The following PTPRN2 variants were observed in gnomAD, a reference collection of about 807,000 sequenced individuals.
The protein encoded by PTPRN2 is receptor-type tyrosine-protein phosphatase N2.
PTPRN2 carries 74 observed loss-of-function variants against 118.8 expected under a neutral mutation model. The observed-to-expected ratio is 0.62, with a 90% CI of 0.52 to 0.76. The LOEUF (loss-of-function observed/expected upper bound fraction) is 0.76. Among genes scored for constraint, PTPRN2 ranks in the 30% least tolerant of loss-of-function variants. PTPRN2 has a pLI of 0.00. For missense variants in PTPRN2, 1,481 were observed against 1,394.4 expected, an observed-to-expected ratio of 1.06 and a Z score of -0.99; for synonymous variants, 641 against 608.0, an observed-to-expected ratio of 1.05 and a Z score of -0.80.
rs1287814339 is a variant in PTPRN2 at position 157,606,047 on chromosome 7, C to T, written c.2345-1972G>A. Among the ~76,000 whole-genome samples the T allele has an allele frequency of 2.0e-5, 3 of 152,280 alleles. No individual in the cohort carries two copies. The East Asian group carries it at 5.8e-4, about 29-fold the overall frequency. On this transcript the variant is annotated intron_variant, in intron 15 of 22. Transcript: ENST00000389418. ...CTGCAGGCCAGAGCTGAGCTGCCCTCAGCCCTCCTTCGGCTTCCCTCCCAT... is the reference window on the plus strand; with the variant it reads ...CTGCAGGCCAGAGCTGAGCTGCCCTTAGCCCTCCTTCGGCTTCCCTCCCAT...
chr7:158,316,837 G>T lies in PTPRN2; in HGVS notation c.259C>A (p.Gln87Lys). 6.2e-7 allele frequency: 1 copy of T among 1,605,820 alleles called. No homozygotes were observed. Residue 87 changes from glutamine to lysine, a missense_variant, in exon 3 of 23, where the codon CAG (glutamine) becomes AAG (lysine). By Grantham distance (53) the Gln-to-Lys change is moderately conservative. Around this residue, in one of 3 missense-constraint regions of PTPRN2, gnomAD observed 1,115 missense variants for 994.2 expected, o/e 1.12. Transcript: ENST00000389418. ...GCCCTACCTGTGCCGGAAAGCTTCT[G>T]CAACGCCACGCGCAGGCGCTGCAGG... ...VALQRLRVAL[Q>K]KLSGTGFTWQ...
intron 2 of PTPRN2, among the ~76,000 whole-genome samples, chr7:158,443,486 G>A (rs982513854): frequency 1.3e-5 from 2 of 152,226 alleles, no homozygotes; most frequent in Non-Finnish European, 2.9e-5. Context: ...GGTCAGTCAC[G>A]CTATGCAGCT....
chr7:158,018,919 G>A lies in PTPRN2; in HGVS notation c.1723+62379C>T, dbSNP rs370950199. On this transcript the variant is annotated intron_variant, in intron 11 of 22. Coordinates refer to ENST00000389418, the MANE Select transcript of PTPRN2 (RefSeq NM_002847.5). ...AGGTTGCAGTGAGCCGAGATCATGC[G>A]ACTGCACTCCAGCCTGGCAGACAAG... Among the ~76,000 whole-genome samples the A allele has an allele frequency of 9.8e-5, 13 of 133,284 alleles. No homozygotes were observed. In the East Asian group the frequency reaches 2.7e-3, roughly 27 times the overall value. 87.4% of individuals were successfully genotyped at this position (133,284 alleles called of 152,430 possible). A position where few individuals can be genotyped will look rare whatever the true frequency, so the allele number is the denominator to read the frequency against.
rs1563394825 is a variant in PTPRN2 at position 158,524,413 on chromosome 7, C to CGGAGTCTGCCCTGGAGT, written c.113-34645_113-34629dup. Among the ~76,000 whole-genome samples, 43 of 89,440 alleles carry CGGAGTCTGCCCTGGAGT rather than the reference C, an allele frequency of 4.8e-4. 1 individual carries two copies. The highest frequency in any genetic ancestry group is 2.7e-4 in the Non-Finnish European group (12 of 44,964). 58.7% of individuals were successfully genotyped at this position (89,440 alleles called of 152,430 possible). ...TGGAGTGGAGTCGTCTGCCCTGGAG[C>CGGAGTCTGCCCTGGAGT]GGAGTCTGCCCTGGAGTGGAGTCGT... On this transcript the variant is annotated intron_variant, in intron 1 of 22. Coordinates refer to ENST00000389418, the MANE Select transcript of PTPRN2 (RefSeq NM_002847.5).
At chr7:158,416,894 A>G (rs867920708) in intron 2 of PTPRN2, among the ~76,000 whole-genome samples, 2 of 152,374 alleles carry the variant, frequency 1.3e-5, no homozygotes, top group African/African-American at 4.8e-5. Flanking sequence ...GGCAAAGCAC[A>G]AAATGTTGGA....
chr7:157,896,812 T>C (rs1797157651), intron 12 of PTPRN2, among the ~76,000 whole-genome samples: 1 of 152,306 alleles, frequency 6.6e-6, no homozygotes, highest in African/African-American at 2.4e-5. Context: ...CCTGTCACCA[T>C]GTCCTGCCTC....
chr7:157,787,075 CGGGGG>C lies in PTPRN2; in HGVS notation c.1789-104143_1789-104139del, dbSNP rs2151066253. On this transcript the variant is annotated intron_variant, in intron 12 of 22. Transcript: ENST00000389418. The surrounding 1 kb of genome is among the most constrained non-coding windows in gnomAD (Gnocchi z 5.3). The stretch of plus-strand genomic sequence containing the variant: ...GCCCGGGAGGCGGACGCGGGTGCGG[CGGGGG>C]ACGCGGGGGTGGCTGCCCGGGAGGC... Among the ~76,000 whole-genome samples, 4 of 111,986 alleles carry C rather than the reference CGGGGG, an allele frequency of 3.6e-5. No homozygotes were observed. The South Asian group carries it at 1.0e-3, about 29-fold the overall frequency. The allele number at this position is 111,986 out of a possible 152,430, so 73.5% of individuals were successfully genotyped here. A position where few individuals can be genotyped will look rare whatever the true frequency, so the allele number is the denominator to read the frequency against.
chr7:158,501,532 C>T (rs1822361713), intron 1 of PTPRN2, among the ~76,000 whole-genome samples: 1 of 152,178 alleles, frequency 6.6e-6, no homozygotes, highest in African/African-American at 2.4e-5. Flanking sequence ...TGTGAATCTT[C>T]CAACCCTGTC....
intron 9 of PTPRN2, among the ~76,000 whole-genome samples, chr7:158,123,722 C>T (rs1357616034): frequency 6.6e-6 from 1 of 152,232 alleles, no homozygotes; most frequent in Non-Finnish European, 1.5e-5. Context: ...ACTATAAACA[C>T]TTTTTAAATG....
chr7:157,577,901 T>G (rs1585054719), intron 18 of PTPRN2, 120 bp downstream of exon 18: 1 of 1,270,298 alleles, frequency 7.9e-7, no homozygotes, highest in South Asian at 2.1e-5. Context: ...GAACATGGGG[T>G]GCGCTGAGCC....
chr7:158,421,656 C>T (rs1415311563), intron 2 of PTPRN2, among the ~76,000 whole-genome samples: 1 of 152,144 alleles, frequency 6.6e-6, no homozygotes. Context: ...AACACAAAAA[C>T]AATCTTATGG....
chr7:158,329,018 G>C (rs1803900022), intron 2 of PTPRN2, among the ~76,000 whole-genome samples: 1 of 151,806 alleles, frequency 6.6e-6, no homozygotes, highest in African/African-American at 2.4e-5. Context: ...AGTGACATCT[G>C]CAAGTCACTA....
intron 2 of PTPRN2, among the ~76,000 whole-genome samples, chr7:158,412,003 G>GA: frequency 6.6e-6 from 1 of 151,188 alleles, no homozygotes; most frequent in Non-Finnish European, 1.5e-5. Context: ...CTCAGCTGCA[G>GA]GGCCCATCAC....
At chr7:158,117,976 T>C (rs1377936947) in intron 9 of PTPRN2, among the ~76,000 whole-genome samples, 2 of 152,140 alleles carry the variant, frequency 1.3e-5, no homozygotes, top group Non-Finnish European at 2.9e-5. Context: ...CAAAGCCATA[T>C]AAAAAATTAA....
At chr7:158,222,059 A>T (rs569295358) in intron 3 of PTPRN2, among the ~76,000 whole-genome samples, 1 of 152,338 alleles carries the variant, frequency 6.6e-6, no homozygotes, top group African/African-American at 2.4e-5. Context: ...GAATATTTTT[A>T]AAAAGTCAAA....
At chr7:158,178,802 T>C (rs1215714122) in intron 5 of PTPRN2, among the ~76,000 whole-genome samples, 1 of 151,988 alleles carries the variant, frequency 6.6e-6, no homozygotes, top group Non-Finnish European at 1.5e-5. Flanking sequence ...TTTCATCATG[T>C]TGGCCAGGAT....
In PTPRN2 at chr7:158,093,113, C is replaced by T. The variant is rs143697967; in HGVS notation, c.1644-11736G>A. Among the ~76,000 whole-genome samples the T allele has an allele frequency of 3.1e-3, 469 of 150,866 alleles. 35 individuals carry two copies. In the East Asian group the frequency reaches 0.042, roughly 14 times the overall value. ...CGAGTATAAGTGTGAGACCCACACG[C>T]AGGCCTGCACCTCTGTCCTTTCCTG... On this transcript the variant is annotated intron_variant, in intron 10 of 22. Transcript: ENST00000389418. This position sits in a 1 kb window ranked among gnomAD's most constrained non-coding sequence, Gnocchi z 4.4.
intron 4 of PTPRN2, among the ~76,000 whole-genome samples, chr7:158,193,978 TG>T (rs34084618): frequency 0.01 from 1,564 of 151,214 alleles, 13 homozygotes; most frequent in Middle Eastern, 0.028. Context: ...CCTGGCACTT[TG>T]GGAAGTGGAG....
At chr7:158,116,710 G>C (rs536517045) in intron 9 of PTPRN2, among the ~76,000 whole-genome samples, 1 of 152,252 alleles carries the variant, frequency 6.6e-6, no homozygotes, top group African/African-American at 2.4e-5. Flanking sequence ...ACTTACAGGG[G>C]ATTTAAAATG....
Sources: gnomAD v4.1 joint callset for allele counts (sites outside exome capture counted in the v4.1 genomes callset) on GRCh38, gnomAD v4.1.1 for gene constraint, gnomAD v4.1.1 regional missense constraint, Gnocchi (gnomAD v3.1) non-coding constraint, MANE v1.5 for transcripts, NCBI Gene and HGNC (gene_info 2026-07-23, HGNC 2026-07-21) for gene names.